IQCM: variants seen among roughly 807,000 people sequenced by gnomAD.
The protein encoded by IQCM is IQ motif containing M.
IQCM carries 45 observed loss-of-function variants against 57.6 expected under a neutral mutation model. That is an observed-to-expected ratio of 0.78 (90% CI 0.62 to 1.00). The LOEUF is 1.00. Among genes scored for constraint, IQCM ranks in the 50% least tolerant of loss-of-function variants. The probability of loss-of-function intolerance (pLI) is 0.00; values close to 1 mark genes in which losing one functional copy is unlikely to be tolerated. For missense variants in IQCM, 468 were observed against 511.6 expected (o/e 0.91, Z 0.82); for synonymous variants, 148 against 158.9 (o/e 0.93, Z 0.51).
chr4:149,424,350 T>C (rs560276039), intron 13 of IQCM, among the ~76,000 whole-genome samples: 262 of 152,002 alleles, frequency 1.7e-3, no homozygotes, highest in African/African-American at 6.1e-3. Context: ...GATAAATGTA[T>C]ATTTATCAAC....
intron 8 of IQCM, among the ~76,000 whole-genome samples, chr4:149,591,499 C>T (rs144884688): frequency 8.6e-5 from 13 of 151,642 alleles, no homozygotes; most frequent in East Asian, 3.9e-4. Flanking sequence ...ATGTGCACAA[C>T]GTGCAGGTTT....
At chr4:149,679,674 T>C (rs1167466010) in intron 7 of IQCM, among the ~76,000 whole-genome samples, 1 of 151,414 alleles carries the variant, frequency 6.6e-6, no homozygotes, top group Admixed American at 6.6e-5. Flanking sequence ...AAAAAAAGAA[T>C]TGGGTGATAA....
At chr4:149,544,034 A>G (rs947850090) in intron 12 of IQCM, among the ~76,000 whole-genome samples, 1 of 152,138 alleles carries the variant, frequency 6.6e-6, no homozygotes, top group African/African-American at 2.4e-5. Context: ...CTCCAAACAT[A>G]CAATGAAGCA....
chr4:149,412,835 G>A (rs1733483059), intron 13 of IQCM, among the ~76,000 whole-genome samples: 1 of 152,184 alleles, frequency 6.6e-6, no homozygotes, highest in Non-Finnish European at 1.5e-5. Flanking sequence ...TCCAGAAGGA[G>A]AGCAGGGCTT....
At chr4:149,559,000 T>G (rs1749858926) in intron 10 of IQCM, among the ~76,000 whole-genome samples, 1 of 152,154 alleles carries the variant, frequency 6.6e-6, no homozygotes, top group Non-Finnish European at 1.5e-5. Context: ...TGCTCCCTCT[T>G]GCCTGCCCTT....
chr4:149,465,433 C>A (rs1159527749), intron 12 of IQCM, among the ~76,000 whole-genome samples: 2 of 151,876 alleles, frequency 1.3e-5, no homozygotes, highest in Non-Finnish European at 1.5e-5. Flanking sequence ...AGATGAGTAC[C>A]GAAAAAAGGC....
intron 2 of IQCM, among the ~76,000 whole-genome samples, chr4:149,784,775 T>A (rs1166961569): frequency 6.6e-6 from 1 of 152,216 alleles, no homozygotes; most frequent in African/African-American, 2.4e-5. Flanking sequence ...TGCTGTATTG[T>A]CTCATTAGCA....
intron 8 of IQCM, among the ~76,000 whole-genome samples, chr4:149,600,982 G>A (rs980168638): frequency 1.3e-5 from 2 of 152,054 alleles, no homozygotes; most frequent in Non-Finnish European, 2.9e-5. Flanking sequence ...CTTTCACAGA[G>A]AAATGGCATT....
At chr4:149,623,229 G>A (rs547706760) in intron 7 of IQCM, among the ~76,000 whole-genome samples, 2 of 152,144 alleles carry the variant, frequency 1.3e-5, no homozygotes, top group African/African-American at 4.8e-5. Flanking sequence ...GTCTGAAAAG[G>A]TTAAATCTTA....
At chr4:149,575,569 T>C (rs539662224) in intron 9 of IQCM, among the ~76,000 whole-genome samples, 1 of 151,956 alleles carries the variant, frequency 6.6e-6, no homozygotes, top group South Asian at 2.1e-4. Flanking sequence ...GTTCTCTTTT[T>C]GTACCCCAAT....
At chr4:149,762,741 C>A (rs1444764431) in intron 2 of IQCM, among the ~76,000 whole-genome samples, 1 of 151,960 alleles carries the variant, frequency 6.6e-6, no homozygotes, top group Non-Finnish European at 1.5e-5. Context: ...TATTAAAAGC[C>A]TATTCAATTG....
chr4:149,619,594 GA>G (rs1195717115), intron 8 of IQCM, among the ~76,000 whole-genome samples: 3 of 151,978 alleles, frequency 2.0e-5, no homozygotes, highest in Admixed American at 6.6e-5. Flanking sequence ...TTGGTTTACA[GA>G]AAAAAATAAA....
intron 8 of IQCM, among the ~76,000 whole-genome samples, 190 bp from the exon 9 acceptor site, chr4:149,588,187 C>T (rs530503528): frequency 1.3e-5 from 2 of 151,652 alleles, no homozygotes; most frequent in African/African-American, 2.4e-5. Flanking sequence ...CCTTCAGAAC[C>T]TTTTAGCACC....
Position 149,809,797 on chromosome 4 carries a change from G to T in IQCM, c.-49+5514C>A, listed in dbSNP as rs973344209. 2.6e-5 allele frequency among the ~76,000 whole-genome samples: 4 copies of T among 152,088 alleles called. No homozygotes were observed. In the East Asian group the frequency reaches 7.7e-4, roughly 29 times the overall value. ...ATAAAGCATCTCCATTTCATATTCT[G>T]ATAATTACCTAAAACTGACATTGAC... On this transcript the variant is annotated intron_variant, in intron 2 of 13. Coordinates refer to ENST00000636793, the MANE Select transcript of IQCM (RefSeq NM_001363507.2).
At position 149,412,213 on chromosome 4, in the gene IQCM, T is replaced by C. The variant is rs534383336; in HGVS notation, c.1390+21183A>G. On this transcript the variant is annotated intron_variant, in intron 13 of 13. Coordinates refer to ENST00000636793, the MANE Select transcript of IQCM (RefSeq NM_001363507.2). ...AGTAGATATGCTGGTCTAATAGTTA[T>C]ATCTTTGAGTCCCATGGAGAAAAAA... Among the ~76,000 whole-genome samples, 44 of 152,250 alleles carry C rather than the reference T, an allele frequency of 2.9e-4. 1 individual carries two copies. Among genetic ancestry groups the C allele is most frequent in the Middle Eastern group, 6.8e-3 (2 of 294 alleles).
intron 2 of IQCM, among the ~76,000 whole-genome samples, chr4:149,773,742 G>A (rs1770812119): frequency 6.6e-6 from 1 of 152,168 alleles, no homozygotes; most frequent in Admixed American, 6.5e-5. Context: ...GTTGACTGCT[G>A]TGCATGTTAA....
intron 12 of IQCM, among the ~76,000 whole-genome samples, chr4:149,538,339 G>A (rs916078701): frequency 6.6e-6 from 1 of 151,592 alleles, no homozygotes; most frequent in Admixed American, 6.6e-5. Flanking sequence ...AAATTAAAAT[G>A]TATATTGCAA....
Position 149,622,342 on chromosome 4 carries a change from C to CTTTT in IQCM, c.566-1102_566-1099dup, listed in dbSNP as rs767957507. On this transcript the variant is annotated intron_variant, in intron 7 of 13. Transcript: ENST00000636793. ...CAATCCAATGTGAATCAGTGGAATT[C>CTTTT]TTTTTTATTTTTTTTTTGGAGACGT... Among the ~76,000 whole-genome samples, 16 of 140,572 alleles carry CTTTT rather than the reference C, an allele frequency of 1.1e-4. 1 individual carries two copies. The highest frequency in any genetic ancestry group is 1.2e-4 in the Non-Finnish European group (8 of 65,622). 92.2% of individuals were successfully genotyped at this position (140,572 alleles called of 152,430 possible).
At chr4:149,689,501 A>C (rs1392704768) in intron 5 of IQCM, among the ~76,000 whole-genome samples, 1 of 152,052 alleles carries the variant, frequency 6.6e-6, no homozygotes, top group African/African-American at 2.4e-5. Context: ...TATGTAACAA[A>C]CCTGCACATT....
Sources: gnomAD v4.1 joint callset for allele counts (sites outside exome capture counted in the v4.1 genomes callset) on GRCh38, gnomAD v4.1.1 for gene constraint, MANE v1.5 for transcripts, NCBI Gene and HGNC (gene_info 2026-07-23, HGNC 2026-07-21) for gene names.